The following PDZD2 variants were observed in gnomAD, a reference collection of about 807,000 sequenced individuals.
PDZD2 encodes the protein PDZ domain-containing protein 2.
In PDZD2, 90 loss-of-function variants were observed where a neutral mutation model predicts 220.7. The observed-to-expected ratio is 0.41, with a 90% CI of 0.34 to 0.49. The LOEUF (loss-of-function observed/expected upper bound fraction) is 0.49, where lower values mean the gene tolerates loss of function less well. Among genes scored for constraint, PDZD2 ranks in the 20% least tolerant of loss-of-function variants. The probability of loss-of-function intolerance (pLI) is 0.28; values close to 1 mark genes in which losing one functional copy is unlikely to be tolerated. For synonymous variants in PDZD2, 1,375 were observed against 1,450.5 expected (o/e 0.95, Z 1.18); for missense variants, 3,174 against 3,608.5 (o/e 0.88, Z 3.08).
chr5:31,707,609 C>T (rs1334340825), intron 1 of PDZD2, among the ~76,000 whole-genome samples: 1 of 151,984 alleles, frequency 6.6e-6, no homozygotes, highest in African/African-American at 2.4e-5. Flanking sequence ...TAGAGCCACA[C>T]CCACGTGGAG....
intron 2 of PDZD2, among the ~76,000 whole-genome samples, chr5:31,895,412 A>G (rs527966739): frequency 6.6e-6 from 1 of 152,298 alleles, no homozygotes; most frequent in African/African-American, 2.4e-5. Context: ...CAGCTGGAAG[A>G]CAGCCATCTA....
At chr5:31,964,773 C>T (rs955397319) in intron 2 of PDZD2, among the ~76,000 whole-genome samples, 8 of 152,098 alleles carry the variant, frequency 5.3e-5, no homozygotes, top group African/African-American at 1.2e-4. Flanking sequence ...TGGAGGGCAG[C>T]GGCGCGATCT....
chr5:31,888,663 A>G (rs892578039), intron 2 of PDZD2, among the ~76,000 whole-genome samples: 3 of 152,190 alleles, frequency 2.0e-5, no homozygotes, highest in Non-Finnish European at 4.4e-5. Context: ...TCTAACCCTT[A>G]CTATGTCCTA....
At chr5:31,957,512 G>T (rs1390450227) in intron 2 of PDZD2, among the ~76,000 whole-genome samples, 1 of 152,156 alleles carries the variant, frequency 6.6e-6, no homozygotes, top group Admixed American at 6.6e-5. Flanking sequence ...AAATAGAAAG[G>T]TTTGAGAATC....
chr5:31,641,918 G>C (rs760428790), intron 1 of PDZD2, among the ~76,000 whole-genome samples: 13 of 152,022 alleles, frequency 8.6e-5, no homozygotes, highest in Non-Finnish European at 1.5e-4. Flanking sequence ...ACTTCCTCAG[G>C]TTAGACAGGA....
chr5:31,674,620 A>C (rs1401488875), intron 1 of PDZD2, among the ~76,000 whole-genome samples: 8 of 152,290 alleles, frequency 5.3e-5, no homozygotes, highest in African/African-American at 1.7e-4. Flanking sequence ...GAGGGAGGAC[A>C]AGATAGAATT....
At chr5:31,914,931 G>T (rs1743549861) in intron 2 of PDZD2, among the ~76,000 whole-genome samples, 1 of 152,182 alleles carries the variant, frequency 6.6e-6, no homozygotes, top group Non-Finnish European at 1.5e-5. Flanking sequence ...GCCTGGCGGG[G>T]ACTAGTGTAT....
At position 32,069,649 on chromosome 5, in the gene PDZD2, A is replaced by C. The variant is rs765493350; in HGVS notation, c.2532A>C (p.Leu844Phe). 1 of 1,449,552 alleles carries C rather than the reference A, an allele frequency of 6.9e-7. No individual in the cohort carries two copies. The highest frequency in any genetic ancestry group is 9.7e-7 in the Non-Finnish European group (1 of 1,029,610). 89.8% of individuals were successfully genotyped at this position (1,449,552 alleles called of 1,614,324 possible). The change falls in exon 15 of 25, where the codon TTA (leucine) becomes TTC (phenylalanine). Residue 844 changes from leucine (L) to phenylalanine (F), a missense_variant and splice_region_variant. Leu to Phe is a conservative substitution (Grantham distance 22). Transcript: ENST00000438447. ...ESKEANSSPG[L>F]GTPLKSPSLA... ...AAGAGGCCAATTCCTCTCCTGGCTT[A>C]GGTACTGTAATCTCACATTTTCATT...
At chr5:32,099,485 A>G (rs1304817941) in intron 23 of PDZD2, 1 of 152,316 alleles carries the variant, frequency 6.6e-6, no homozygotes, top group African/African-American at 2.4e-5. Context: ...CAAATGAGAA[A>G]CACTTCTTGT....
At chr5:31,808,968 G>T (rs1194111750) in intron 2 of PDZD2, among the ~76,000 whole-genome samples, 1 of 148,766 alleles carries the variant, frequency 6.7e-6, no homozygotes, top group Non-Finnish European at 1.5e-5. Flanking sequence ...AACAGAGCAA[G>T]ACTCCATCTC....
At chr5:31,989,434 T>TTTTTATTTTTTTTTTA (rs1751031895) in intron 3 of PDZD2, among the ~76,000 whole-genome samples, 1 of 148,784 alleles carries the variant, frequency 6.7e-6, no homozygotes, top group African/African-American at 2.5e-5. Flanking sequence ...TTTTTTTTTT[T>TTTTTATTTTTTTTTTA]TTTTTTGAGA....
intron 1 of PDZD2, among the ~76,000 whole-genome samples, chr5:31,737,388 G>A (rs1293551736): frequency 2.0e-5 from 3 of 151,970 alleles, no homozygotes; most frequent in Non-Finnish European, 2.9e-5. Context: ...TAGCCAGGAT[G>A]GTCTTGATCT....
At chr5:31,840,441 TATATA>T (rs1561499388) in intron 2 of PDZD2, 1,505 of 96,094 alleles carry the variant, frequency 0.016, 169 homozygotes, top group Middle Eastern at 0.045. Context: ...TATATATATA[TATATA>T]TATTTGTTTA....
intron 1 of PDZD2, among the ~76,000 whole-genome samples, chr5:31,777,199 G>C (rs906421090): frequency 6.6e-6 from 1 of 152,188 alleles, no homozygotes; most frequent in Non-Finnish European, 1.5e-5. Flanking sequence ...CACTCGGAGT[G>C]GCTGGCAGGT....
intron 2 of PDZD2, among the ~76,000 whole-genome samples, chr5:31,889,092 C>T (rs1460230132): frequency 6.6e-6 from 1 of 152,090 alleles, no homozygotes; most frequent in Non-Finnish European, 1.5e-5. Context: ...TACATTTGTA[C>T]AGAAAATCCC....
chr5:32,089,869 A>G lies in PDZD2; in HGVS notation c.6421A>G (p.Thr2141Ala). 1 of 1,613,196 alleles carries G rather than the reference A, an allele frequency of 6.2e-7. No individual in the cohort carries two copies. The highest frequency in any genetic ancestry group is 8.5e-7 in the Non-Finnish European group (1 of 1,179,382). Reference sequence around the variant, plus strand: ...CTATCGCCAGGTCGCAGAATCATCCACAAGTCATCCATCCTCACTCCCATC... The same window carrying G: ...CTATCGCCAGGTCGCAGAATCATCCGCAAGTCATCCATCCTCACTCCCATC... ...RLYRQVAESS[T>A]SHPSSLPSHA... Residue 2141 changes from threonine to alanine, a missense_variant, in exon 20 of 25, where the codon ACA (threonine) becomes GCA (alanine). Physicochemically the swap from Thr to Ala is moderately conservative, Grantham distance 58 (BLOSUM62 0). Around this residue, in one of 4 missense-constraint regions of PDZD2, gnomAD observed 1,861 missense variants for 2,001.0 expected, o/e 0.93. Coordinates refer to ENST00000438447, the MANE Select transcript of PDZD2 (RefSeq NM_178140.4).
At chr5:31,968,693 C>T (rs1367136826) in intron 2 of PDZD2, among the ~76,000 whole-genome samples, 1 of 151,968 alleles carries the variant, frequency 6.6e-6, no homozygotes, top group African/African-American at 2.4e-5. Context: ...CAACCAGACT[C>T]CAGAGAGCTC....
At chr5:31,855,104 G>C in intron 2 of PDZD2, 3 of 985,474 alleles carry the variant, frequency 3.0e-6, no homozygotes, top group Non-Finnish European at 3.6e-6. Flanking sequence ...GCGCCCAGCT[G>C]CTGCCGGCGG....
intron 1 of PDZD2, among the ~76,000 whole-genome samples, chr5:31,783,802 G>T (rs114054888): frequency 0.018 from 2,711 of 152,256 alleles, 72 homozygotes; most frequent in African/African-American, 0.062. Flanking sequence ...GTGCCCTTGT[G>T]CCTATGTTGT....
Sources: gnomAD v4.1 joint callset for allele counts (sites outside exome capture counted in the v4.1 genomes callset) on GRCh38, gnomAD v4.1.1 for gene constraint, gnomAD v4.1.1 regional missense constraint, MANE v1.5 for transcripts, NCBI Gene and HGNC (gene_info 2026-07-23, HGNC 2026-07-21) for gene names.